The following ELAPOR2 variants were observed in gnomAD, a reference collection of about 807,000 sequenced individuals.
The protein encoded by ELAPOR2 is endosome/lysosome-associated apoptosis and autophagy regulator family member 2.
ELAPOR2 carries 89 observed loss-of-function variants against 120.7 expected under a neutral mutation model. That is an observed-to-expected ratio of 0.74 (90% CI 0.62 to 0.88). The LOEUF is 0.88. Among genes scored for constraint, ELAPOR2 ranks in the 40% least tolerant of loss-of-function variants. The pLI, the probability that ELAPOR2 is intolerant of heterozygous loss-of-function variation, is 0.00. For synonymous variants in ELAPOR2, 444 were observed against 444.9 expected, an observed-to-expected ratio of 1.00 and a Z score of 0.03; for missense variants, 1,134 against 1,251.6, an observed-to-expected ratio of 0.91 and a Z score of 1.42.
At chr7:86,954,394 T>A (rs1791388433) in intron 2 of ELAPOR2, among the ~76,000 whole-genome samples, 1 of 152,222 alleles carries the variant, frequency 6.6e-6, no homozygotes, top group Admixed American at 6.5e-5. Context: ...TCCAGAGACC[T>A]CATGTTTTGA....
intron 20 of ELAPOR2, 77 bp from the exon 21 acceptor site, chr7:86,891,966 A>C (rs1788183817): frequency 1.1e-6 from 1 of 915,810 alleles, no homozygotes; most frequent in African/African-American, 1.7e-5. Context: ...TTAGGTGGTA[A>C]TATACCAGCT....
chr7:87,009,068 T>TA (rs1171250887), intron 1 of ELAPOR2, among the ~76,000 whole-genome samples: 4 of 152,172 alleles, frequency 2.6e-5, no homozygotes, highest in Non-Finnish European at 2.9e-5. Flanking sequence ...ATTAGATCCC[T>TA]AATTTTGTTA....
intron 1 of ELAPOR2, among the ~76,000 whole-genome samples, chr7:87,022,721 C>T (rs1238039303): frequency 1.3e-4 from 19 of 150,816 alleles, no homozygotes; most frequent in East Asian, 3.9e-4. Flanking sequence ...CCTATTTCTC[C>T]ACATCCTCTC....
Position 86,900,051 on chromosome 7 carries a change from T to A in ELAPOR2, c.2559-2419A>T, listed in dbSNP as rs368787448. 3.9e-5 allele frequency among the ~76,000 whole-genome samples: 6 copies of A among 152,102 alleles called. No individual in the cohort carries two copies. The East Asian group carries it at 7.7e-4, about 20-fold the overall frequency. On this transcript the variant is annotated intron_variant, in intron 18 of 21. Coordinates refer to ENST00000450689, the MANE Select transcript of ELAPOR2 (RefSeq NM_001142749.3). ...GAGAAAAAATATCCAAGAATACAAT[T>A]TCCTGATCATTTAGTGAAAATAGCA...
chr7:86,918,156 A>AT (rs111741296), intron 12 of ELAPOR2, among the ~76,000 whole-genome samples: 5,952 of 147,802 alleles, frequency 0.04, 385 homozygotes, highest in African/African-American at 0.14. Flanking sequence ...TTATGAAGGA[A>AT]TTTTTTTTTT....
chr7:86,913,298 T>A, intron 13 of ELAPOR2, 94 bp from the exon 14 acceptor site: 1 of 1,224,288 alleles, frequency 8.2e-7, no homozygotes, highest in Non-Finnish European at 1.2e-6. Flanking sequence ...AATAACTAAA[T>A]AGAGTGTTCC....
At chr7:86,917,870 T>G (rs1252873717) in intron 12 of ELAPOR2, among the ~76,000 whole-genome samples, 1 of 152,166 alleles carries the variant, frequency 6.6e-6, no homozygotes, top group East Asian at 1.9e-4. Context: ...TGTTAAACTC[T>G]TAGCCAACAA....
chr7:86,899,631 TA>T (rs1008619940), intron 18 of ELAPOR2, among the ~76,000 whole-genome samples: 15 of 149,562 alleles, frequency 1.0e-4, no homozygotes, highest in African/African-American at 1.5e-4. Context: ...ATATGAACAC[TA>T]AAAAAAAAAT....
intron 1 of ELAPOR2, among the ~76,000 whole-genome samples, chr7:87,036,534 G>C (rs1042591096): frequency 6.6e-6 from 1 of 152,102 alleles, no homozygotes; most frequent in Non-Finnish European, 1.5e-5. Flanking sequence ...AAGCAAGCTA[G>C]GTGACCATCA....
intron 1 of ELAPOR2, among the ~76,000 whole-genome samples, chr7:86,969,799 G>A (rs543330647): frequency 6.6e-5 from 10 of 152,202 alleles, no homozygotes; most frequent in South Asian, 6.2e-4. Context: ...GAGTATGTGC[G>A]GAAGAGTATA....
chr7:86,960,898 AT>A (rs887502241), intron 2 of ELAPOR2, among the ~76,000 whole-genome samples: 3 of 151,892 alleles, frequency 2.0e-5, no homozygotes, highest in African/African-American at 4.8e-5. Context: ...TCTGTATTTG[AT>A]TTTTTTTACT....
intron 1 of ELAPOR2, among the ~76,000 whole-genome samples, chr7:86,996,139 A>G (rs930913484): frequency 6.6e-6 from 1 of 152,012 alleles, no homozygotes; most frequent in Non-Finnish European, 1.5e-5. Flanking sequence ...ACAAAAAAAA[A>G]TTGACAATTA....
At chr7:86,967,755 T>C (rs1791962414) in intron 1 of ELAPOR2, among the ~76,000 whole-genome samples, 1 of 152,190 alleles carries the variant, frequency 6.6e-6, no homozygotes, top group African/African-American at 2.4e-5. Context: ...GCCAATTAAT[T>C]TTCCTAAGAC....
At chr7:87,056,291 T>C (rs1795259684) in intron 1 of ELAPOR2, among the ~76,000 whole-genome samples, 1 of 152,214 alleles carries the variant, frequency 6.6e-6, no homozygotes, top group African/African-American at 2.4e-5. Context: ...ATACAAATAA[T>C]TGGTCATGTT....
At chr7:86,897,376 A>T in intron 19 of ELAPOR2, 130 bp downstream of exon 19, 3 of 1,139,090 alleles carry the variant, frequency 2.6e-6, no homozygotes, top group Non-Finnish European at 3.7e-6. Context: ...ACTTGATTTT[A>T]AATGCCTACC....
chr7:86,988,193 G>C (rs758635712), intron 1 of ELAPOR2, among the ~76,000 whole-genome samples: 2 of 152,152 alleles, frequency 1.3e-5, no homozygotes, highest in Non-Finnish European at 1.5e-5. Flanking sequence ...ACCAGGGCCT[G>C]TCGTGGGGTC....
At chr7:86,920,815 GGT>G (rs1789797137) in intron 10 of ELAPOR2, 1 of 152,074 alleles carries the variant, frequency 6.6e-6, no homozygotes, top group South Asian at 2.1e-4. Flanking sequence ...CACTGATAGA[GGT>G]GTTTAGGTTG....
intron 1 of ELAPOR2, among the ~76,000 whole-genome samples, chr7:87,043,293 G>A (rs1295579773): frequency 1.3e-5 from 2 of 151,310 alleles, no homozygotes; most frequent in Admixed American, 1.3e-4. Flanking sequence ...CCAAAGTCAG[G>A]CAGAGACACA....
chr7:87,002,679 C>T (rs1793357140), intron 1 of ELAPOR2, among the ~76,000 whole-genome samples: 1 of 152,046 alleles, frequency 6.6e-6, no homozygotes, highest in Non-Finnish European at 1.5e-5. Context: ...CCCAGGGAAG[C>T]CCACCAATGC....
Sources: allele counts gnomAD v4.1 joint callset (sites outside exome capture counted in the v4.1 genomes callset), GRCh38; gene constraint gnomAD v4.1.1; transcripts MANE v1.5; gene names NCBI Gene and HGNC (gene_info 2026-07-23, HGNC 2026-07-21).